The following SLC16A12 variants were observed in gnomAD, a reference collection of about 807,000 sequenced individuals.
SLC16A12 encodes the protein monocarboxylate transporter 12.
Under a neutral mutation model 42.4 loss-of-function variants are expected in SLC16A12, and 17 were observed. The ratio of observed to expected loss-of-function variants is 0.40; its 90% CI spans 0.27 to 0.60. The LOEUF is 0.60. Among genes scored for constraint, SLC16A12 ranks in the 20% least tolerant of loss-of-function variants. The probability of loss-of-function intolerance (pLI) is 0.42; values close to 1 mark genes in which losing one functional copy is unlikely to be tolerated. For missense variants in SLC16A12, 544 were observed against 623.0 expected, an observed-to-expected ratio of 0.87 and a Z score of 1.35; for synonymous variants, 224 against 229.4, an observed-to-expected ratio of 0.98 and a Z score of 0.21.
chr10:89,507,906 G>A (rs935100909), intron 2 of SLC16A12, among the ~76,000 whole-genome samples: 5 of 151,746 alleles, frequency 3.3e-5, no homozygotes, highest in African/African-American at 1.2e-4. Context: ...AATGGAAAGC[G>A]AAAAAAAGCA....
At chr10:89,554,749 T>C (rs548944433) in intron 2 of SLC16A12, among the ~76,000 whole-genome samples, 5 of 152,300 alleles carry the variant, frequency 3.3e-5, no homozygotes, top group Non-Finnish European at 7.4e-5. Flanking sequence ...GAGCAACCTT[T>C]ACATTGGATA....
chr10:89,507,406 T>G (rs1843081275), intron 2 of SLC16A12, among the ~76,000 whole-genome samples: 1 of 151,928 alleles, frequency 6.6e-6, no homozygotes, highest in South Asian at 2.1e-4. Flanking sequence ...CAGAAGGGAG[T>G]GGGGGCCAAT....
chr10:89,537,265 A>G (rs1173663974), upstream of SLC16A12, among the ~76,000 whole-genome samples: 1 of 148,826 alleles, frequency 6.7e-6, no homozygotes, highest in Non-Finnish European at 1.5e-5. Flanking sequence ...GCAGTCTCGA[A>G]CTCCTAGGCT....
chr10:89,452,381 TG>T (rs1487391783), intron 3 of SLC16A12, among the ~76,000 whole-genome samples: 8 of 152,230 alleles, frequency 5.3e-5, no homozygotes, highest in African/African-American at 1.9e-4. Context: ...GACTCATATT[TG>T]CATTTAAAGC....
Position 89,443,761 on chromosome 10 carries a change from A to C in SLC16A12, c.299T>G (p.Leu100Arg), listed in dbSNP as rs1589663439. 4 of 1,610,398 alleles carry C rather than the reference A, an allele frequency of 2.5e-6. No homozygotes were observed. The East Asian group carries it at 8.9e-5, about 36-fold the overall frequency. ...TCCTAGTAAGTAATACTCACCACAG[A>C]GCATGGTCACACAATCTACAATGGA... is the stretch of plus-strand genomic sequence containing the variant. ...IHSIVDCVTMLCAPLGSVVSN... is the reference protein window; with the variant it reads ...IHSIVDCVTMRCAPLGSVVSN... The change falls in exon 4 of 8, where the codon CTC becomes CGC. Residue 100 changes from leucine (L) to arginine (R), a missense_variant. By Grantham distance (102) the Leu-to-Arg change is moderately radical (BLOSUM62 -2). Coordinates refer to ENST00000371790, the MANE Select transcript of SLC16A12 (RefSeq NM_213606.4).
intron 2 of SLC16A12, among the ~76,000 whole-genome samples, chr10:89,511,901 G>A (rs1281220394): frequency 6.6e-6 from 1 of 151,938 alleles, no homozygotes; most frequent in African/African-American, 2.4e-5. Flanking sequence ...CCCCAAAGAG[G>A]AAGCAACCCA....
intron 3 of SLC16A12, among the ~76,000 whole-genome samples, chr10:89,444,501 T>C (rs1841966002): frequency 6.6e-6 from 1 of 152,210 alleles, no homozygotes; most frequent in South Asian, 2.1e-4. Context: ...GTCTTAAAAA[T>C]GATGATGTTG....
At chr10:89,535,760 C>A (rs1042058781), upstream of SLC16A12, among the ~76,000 whole-genome samples, 52 of 152,192 alleles carry the variant, frequency 3.4e-4, 1 homozygote, top group African/African-American at 1.2e-3. Flanking sequence ...CGCGTCCCTG[C>A]GCAGTGGCCC....
chr10:89,485,633 G>T (rs1842732043), intron 2 of SLC16A12, among the ~76,000 whole-genome samples: 1 of 152,188 alleles, frequency 6.6e-6, no homozygotes, highest in African/African-American at 2.4e-5. Flanking sequence ...CAGGCATGGG[G>T]AAGAGTGTAT....
chr10:89,519,276 T>C (rs1436576209), intron 2 of SLC16A12, among the ~76,000 whole-genome samples: 2 of 118,342 alleles, frequency 1.7e-5, no homozygotes, highest in African/African-American at 2.8e-5. Context: ...GGTACTATCC[T>C]CACTGCTGGG....
chr10:89,461,654 C>G (rs1263316665), intron 3 of SLC16A12, among the ~76,000 whole-genome samples: 4 of 152,174 alleles, frequency 2.6e-5, no homozygotes, highest in African/African-American at 9.7e-5. Flanking sequence ...ATAGATCACA[C>G]ATCCTATTAG....
At chr10:89,500,277 C>T (rs943703821) in intron 2 of SLC16A12, among the ~76,000 whole-genome samples, 2 of 152,118 alleles carry the variant, frequency 1.3e-5, no homozygotes, top group Non-Finnish European at 2.9e-5. Flanking sequence ...GGAACCCTCC[C>T]TAAATCATTC....
intron 2 of SLC16A12, among the ~76,000 whole-genome samples, chr10:89,553,446 A>T (rs1472055150): frequency 2.0e-5 from 3 of 152,220 alleles, no homozygotes; most frequent in African/African-American, 7.2e-5. Context: ...GCCAACTAGC[A>T]TGACTCATTT....
intron 4 of SLC16A12, 96 bp from the exon 5 acceptor site, chr10:89,441,347 C>A: frequency 2.7e-6 from 4 of 1,456,170 alleles, no homozygotes; most frequent in Non-Finnish European, 3.8e-6. Flanking sequence ...ACCTTTAAAG[C>A]ATTGAGCCCA....
intron 3 of SLC16A12, among the ~76,000 whole-genome samples, chr10:89,452,227 G>C (rs530050723): frequency 6.6e-6 from 1 of 152,318 alleles, no homozygotes; most frequent in South Asian, 2.1e-4. Flanking sequence ...GATAGGATGT[G>C]CAAGTTTCAG....
intron 2 of SLC16A12, among the ~76,000 whole-genome samples, chr10:89,548,110 G>C (rs17123591): frequency 0.056 from 8,454 of 152,128 alleles, 288 homozygotes; most frequent in South Asian, 0.12. Context: ...CAAACTGCAG[G>C]TACTAATGCA....
chr10:89,497,094 C>T (rs971212360), intron 2 of SLC16A12, among the ~76,000 whole-genome samples: 2 of 152,106 alleles, frequency 1.3e-5, no homozygotes, highest in African/African-American at 2.4e-5. Context: ...TATCATTATT[C>T]GTTCATCAGT....
intron 2 of SLC16A12, among the ~76,000 whole-genome samples, chr10:89,465,592 C>G (rs1842380928): frequency 6.6e-6 from 1 of 152,134 alleles, no homozygotes; most frequent in Non-Finnish European, 1.5e-5. Context: ...CTTTCTTCCC[C>G]AAGATGAAAC....
intron 2 of SLC16A12, among the ~76,000 whole-genome samples, chr10:89,554,072 GAAAGAAAGAAAGAAAGAAA>G (rs1843789288): frequency 7.2e-5 from 8 of 110,962 alleles, no homozygotes; most frequent in Non-Finnish European, 1.3e-4. Context: ...AAGAAAGAAA[GAAAGAAAGAAAGAAAGAAA>G]GAAAGAAAGA....
Sources: gnomAD v4.1 joint callset for allele counts (sites outside exome capture counted in the v4.1 genomes callset) on GRCh38, gnomAD v4.1.1 for gene constraint, MANE v1.5 for transcripts, NCBI Gene and HGNC (gene_info 2026-07-23, HGNC 2026-07-21) for gene names.